Variants in SULT1B1 observed in about 807,000 individuals in gnomAD.
SULT1B1 encodes the protein sulfotransferase family 1B member 1, also known as sulfotransferase 1B1.
SULT1B1 carries 28 observed loss-of-function variants against 34.6 expected under a neutral mutation model. The ratio of observed to expected loss-of-function variants is 0.81; its 90% CI spans 0.60 to 1.11. SULT1B1 has a LOEUF of 1.11. SULT1B1 is among the 50% of genes least tolerant of loss of function. The pLI is 0.00. For synonymous variants in SULT1B1, 147 were observed against 110.2 expected, an observed-to-expected ratio of 1.33 and a Z score of -2.09; for missense variants, 374 against 352.2, an observed-to-expected ratio of 1.06 and a Z score of -0.50.
At chr4:69,739,817 A>G (rs1718470652) in intron 4 of SULT1B1, among the ~76,000 whole-genome samples, 1 of 152,166 alleles carries the variant, frequency 6.6e-6, no homozygotes, top group South Asian at 2.1e-4. Context: ...TGCCACTTAG[A>G]AATTTCAAAG....
chr4:69,749,924 G>T, intron 3 of SULT1B1, 106 bp from the exon 4 acceptor site: 1 of 750,010 alleles, frequency 1.3e-6, no homozygotes, highest in Non-Finnish European at 2.3e-6. Context: ...ATTATGTAAT[G>T]CAGATAAATT....
At chr4:69,754,265 G>T (rs888294827) in intron 3 of SULT1B1, among the ~76,000 whole-genome samples, 1 of 151,960 alleles carries the variant, frequency 6.6e-6, no homozygotes, top group Non-Finnish European at 1.5e-5. Flanking sequence ...TTCTTTACAA[G>T]CATTCCATAA....
At chr4:69,736,078 T>C (rs547724016) in intron 4 of SULT1B1, among the ~76,000 whole-genome samples, 1 of 152,290 alleles carries the variant, frequency 6.6e-6, no homozygotes, top group South Asian at 2.1e-4. Context: ...GACATTGCAT[T>C]GAACTCAGTG....
Position 69,721,460 on chromosome 4 carries a change from G to T in SULT1B1, c.*5628C>A, listed in dbSNP as rs1184710015. ...TATCATTAATATCAAGCATTTTGAAGAAATTATAGTATCTTTTTTTCTGTA... is the reference window on the plus strand; with the variant it reads ...TATCATTAATATCAAGCATTTTGAATAAATTATAGTATCTTTTTTTCTGTA... On this transcript the variant is annotated 3_prime_UTR_variant, in exon 8 of 8. Transcript: ENST00000310613. 1 of 151,988 alleles carries T rather than the reference G, an allele frequency of 6.6e-6. No homozygotes were observed. The highest frequency in any genetic ancestry group is 1.5e-5 in the Non-Finnish European group (1 of 67,944). The allele number at this position is 151,988 out of a possible 1,614,324, so 9.4% of individuals were successfully genotyped here.
At chr4:69,743,033 G>T (rs1483456807) in intron 4 of SULT1B1, among the ~76,000 whole-genome samples, 3 of 152,222 alleles carry the variant, frequency 2.0e-5, no homozygotes, top group African/African-American at 7.2e-5. Context: ...CTGGCTCAGG[G>T]AGCTCCTAGG....
rs1455553807 is a variant in SULT1B1 at position 69,722,817 on chromosome 4, T to G, written c.*4271A>C. Reference sequence around the variant, plus strand: ...TACGATAAGCCATAGCTACCTCAGTTGTGGCTCAGAAAGTCTAACAGTATG... The same window carrying G: ...TACGATAAGCCATAGCTACCTCAGTGGTGGCTCAGAAAGTCTAACAGTATG... On this transcript the variant is annotated 3_prime_UTR_variant, in exon 8 of 8. Coordinates refer to ENST00000310613, the MANE Select transcript of SULT1B1 (RefSeq NM_014465.4). 1 of 152,104 alleles carries G rather than the reference T, an allele frequency of 6.6e-6. No individual in the cohort carries two copies. The highest frequency in any genetic ancestry group is 2.4e-5 in the African/African-American group (1 of 41,408). 9.4% of individuals were successfully genotyped at this position (152,104 alleles called of 1,614,324 possible). A position where few individuals can be genotyped will look rare whatever the true frequency, so the allele number is the denominator to read the frequency against.
intron 4 of SULT1B1, among the ~76,000 whole-genome samples, chr4:69,737,015 CA>C (rs1560523599): frequency 7.0e-6 from 1 of 142,930 alleles, no homozygotes; most frequent in Admixed American, 7.0e-5. Context: ...TGTGTGAACT[CA>C]AAAAAAGGAA....
intron 4 of SULT1B1, among the ~76,000 whole-genome samples, chr4:69,749,287 GA>G (rs1266248168): frequency 1.3e-5 from 2 of 151,832 alleles, no homozygotes; most frequent in African/African-American, 2.4e-5. Flanking sequence ...AGTCAGATAA[GA>G]AAAAAACACA....
At chr4:69,758,663 T>C (rs1388596605) in intron 1 of SULT1B1, among the ~76,000 whole-genome samples, 2 of 152,184 alleles carry the variant, frequency 1.3e-5, no homozygotes, top group Non-Finnish European at 2.9e-5. Context: ...GAATGAATAT[T>C]GAGGGAGCTG....
intron 4 of SULT1B1, among the ~76,000 whole-genome samples, chr4:69,736,852 C>A (rs797010646): frequency 6.6e-6 from 1 of 151,878 alleles, no homozygotes; most frequent in African/African-American, 2.4e-5. Context: ...AACTTAGGAA[C>A]CTGTGGGACA....
Position 69,726,033 on chromosome 4 carries a change from C to CATATATATATATAT in SULT1B1, c.*1041_*1054dup, listed in dbSNP as rs756017821. 14 of 29,172 alleles carry CATATATATATATAT rather than the reference C, an allele frequency of 4.8e-4. No homozygotes were observed. The highest frequency in any genetic ancestry group is 2.7e-3 in the East Asian group (2 of 732). The allele number at this position is 29,172 out of a possible 1,614,324, so 1.8% of individuals were successfully genotyped here. A position where few individuals can be genotyped will look rare whatever the true frequency, so the allele number is the denominator to read the frequency against. On this transcript the variant is annotated 3_prime_UTR_variant, in exon 8 of 8. Transcript: ENST00000310613. ...ACTTAAAGTATAATAATAAAATGTACATATATATATATATATATATATATA... is the reference window on the plus strand; with the variant it reads ...ACTTAAAGTATAATAATAAAATGTACATATATATATATATATATATATATATATATATATATATA...
Position 69,723,117 on chromosome 4 carries a change from A to G in SULT1B1, c.*3971T>C, listed in dbSNP as rs965230886. 2.6e-5 allele frequency: 4 copies of G among 152,146 alleles called. No homozygotes were observed. The highest frequency in any genetic ancestry group is 9.7e-5 in the African/African-American group (4 of 41,448). 9.4% of individuals were successfully genotyped at this position (152,146 alleles called of 1,614,324 possible). A position where few individuals can be genotyped will look rare whatever the true frequency, so the allele number is the denominator to read the frequency against. On this transcript the variant is annotated 3_prime_UTR_variant, in exon 8 of 8. Transcript: ENST00000310613. ...TCGAAAAGATCAACAAAATTGATAG[A>G]CCACCAGCAAGACTAATAAAGAAGA...
chr4:69,742,832 G>T (rs1718602419), intron 4 of SULT1B1, among the ~76,000 whole-genome samples: 1 of 152,234 alleles, frequency 6.6e-6, no homozygotes, highest in Non-Finnish European at 1.5e-5. Flanking sequence ...AGCCCGGCCT[G>T]CCAGCTGCGG....
chr4:69,743,938 G>T (rs1315368761), intron 4 of SULT1B1, among the ~76,000 whole-genome samples: 2 of 152,168 alleles, frequency 1.3e-5, no homozygotes, highest in Non-Finnish European at 2.9e-5. Context: ...GGTGGCTGCA[G>T]ATGTTCCCAG....
chr4:69,737,891 G>A (rs1431892373), intron 4 of SULT1B1, among the ~76,000 whole-genome samples: 1 of 152,064 alleles, frequency 6.6e-6, no homozygotes, highest in Non-Finnish European at 1.5e-5. Context: ...TAGGTCCAGT[G>A]GGCGCATGTG....
At position 69,755,056 on chromosome 4, in the gene SULT1B1, G is replaced by T. The variant is rs1385911884; in HGVS notation, c.148+14C>A. The T allele has an allele frequency of 6.3e-7, 1 of 1,596,226 alleles. No individual in the cohort carries two copies. The highest frequency in any genetic ancestry group is 2.2e-5 in the East Asian group (1 of 44,478). On this transcript the variant is annotated intron_variant, in intron 2 of 7. Transcript: ENST00000310613. ...ATGAGGTCGGACTTGAATTTGTCAG[G>T]CCACAGAACTCACCTGATTTAGGAT... is the stretch of plus-strand genomic sequence containing the variant.
At position 69,734,267 on chromosome 4, in the gene SULT1B1, G is replaced by A. The variant is rs774915767; in HGVS notation, c.376-3C>T. 1.7e-5 allele frequency: 27 copies of A among 1,609,916 alleles called. No individual in the cohort carries two copies. Among genetic ancestry groups the A allele is most frequent in the Non-Finnish European group, 1.9e-5 (22 of 1,178,280 alleles). On this transcript the variant is annotated splice_polypyrimidine_tract_variant and splice_region_variant and intron_variant, in intron 4 of 7. Coordinates refer to ENST00000310613, the MANE Select transcript of SULT1B1 (RefSeq NM_014465.4). ...GCATTACGAGCCAGATAAATCATCT[G>A]CAGTGGGGGGTGGGGGTAGGAGAAA...
chr4:69,735,020 A>G (rs12640488), intron 4 of SULT1B1, among the ~76,000 whole-genome samples: 79,239 of 151,622 alleles, frequency 0.52, 20,979 homozygotes, highest in East Asian at 0.72. Flanking sequence ...GGGTTTCACC[A>G]TGTTAGCCAG....
intron 1 of SULT1B1, among the ~76,000 whole-genome samples, chr4:69,756,781 T>A (rs1175025264): frequency 6.6e-6 from 1 of 152,124 alleles, no homozygotes; most frequent in South Asian, 2.1e-4. Flanking sequence ...ATGTCATATA[T>A]GTATGTGTTC....
Sources: allele counts gnomAD v4.1 joint callset (sites outside exome capture counted in the v4.1 genomes callset), GRCh38; gene constraint gnomAD v4.1.1; transcripts MANE v1.5; gene names NCBI Gene and HGNC (gene_info 2026-07-23, HGNC 2026-07-21).